Variants in SORCS3 observed in about 807,000 individuals in gnomAD.
SORCS3 encodes VPS10 domain-containing receptor SorCS3.
Under a neutral mutation model 146.3 loss-of-function variants are expected in SORCS3, and 57 were observed. The ratio of observed to expected loss-of-function variants is 0.39; its 90% CI spans 0.31 to 0.49. The LOEUF (loss-of-function observed/expected upper bound fraction) is 0.49. Among genes scored for constraint, SORCS3 ranks in the 20% least tolerant of loss-of-function variants. The pLI, the probability that SORCS3 is intolerant of heterozygous loss-of-function variation, is 0.92. For synonymous variants in SORCS3, 653 were observed against 618.5 expected, an observed-to-expected ratio of 1.06 and a Z score of -0.83; for missense variants, 1,341 against 1,575.5, an observed-to-expected ratio of 0.85 and a Z score of 2.52.
chr10:104,835,412 GA>G (rs1399848915), intron 1 of SORCS3, among the ~76,000 whole-genome samples: 1 of 152,214 alleles, frequency 6.6e-6, no homozygotes, highest in Admixed American at 6.5e-5. Context: ...TCATAAGAGT[GA>G]GGGGACCTAG....
At chr10:105,125,463 A>C (rs2055966595) in intron 7 of SORCS3, among the ~76,000 whole-genome samples, 2 of 152,110 alleles carry the variant, frequency 1.3e-5, no homozygotes, top group South Asian at 4.1e-4. Context: ...TAAACAATGG[A>C]GTGGAGATTT....
chr10:105,096,956 C>T (rs926246741), intron 6 of SORCS3, among the ~76,000 whole-genome samples: 1 of 152,114 alleles, frequency 6.6e-6, no homozygotes, highest in African/African-American at 2.4e-5. Flanking sequence ...CTTCACTTTT[C>T]TATTTACTTT....
intron 2 of SORCS3, 56 bp downstream of exon 2, chr10:104,842,915 G>A (rs745381505): frequency 9.6e-6 from 13 of 1,355,376 alleles, no homozygotes; most frequent in South Asian, 2.3e-5. Flanking sequence ...CATGAGAAAC[G>A]CAAGCTAAGC....
Position 105,069,331 on chromosome 10 carries a change from T to C in SORCS3, c.1029-20444T>C, listed in dbSNP as rs374714386. Among the ~76,000 whole-genome samples, 54 of 152,360 alleles carry C rather than the reference T, an allele frequency of 3.5e-4. No individual in the cohort carries two copies. The East Asian group carries it at 9.1e-3, about 26-fold the overall frequency. On this transcript the variant is annotated intron_variant, in intron 5 of 26. Coordinates refer to ENST00000369701, the MANE Select transcript of SORCS3 (RefSeq NM_014978.3). The stretch of plus-strand genomic sequence containing the variant: ...TCTGCTCAAAACTTTTGAAACTCCC[T>C]GAACCCTCTCTAACACCTTTTCACT...
At chr10:104,926,935 A>G (rs1053073510) in intron 3 of SORCS3, among the ~76,000 whole-genome samples, 1 of 152,228 alleles carries the variant, frequency 6.6e-6, no homozygotes, top group Non-Finnish European at 1.5e-5. Flanking sequence ...TAGGGTTTGC[A>G]TCGAGTATAT....
intron 20 of SORCS3, among the ~76,000 whole-genome samples, chr10:105,225,230 C>T (rs889947939): frequency 1.3e-5 from 2 of 151,938 alleles, no homozygotes; most frequent in Non-Finnish European, 2.9e-5. Context: ...ACATTTAGAT[C>T]TATGATCCAT....
chr10:105,033,878 G>A (rs1445036992), intron 4 of SORCS3, among the ~76,000 whole-genome samples: 3 of 152,142 alleles, frequency 2.0e-5, no homozygotes, highest in African/African-American at 7.2e-5. Flanking sequence ...GAGAAGGATA[G>A]AATTTTTACA....
At chr10:105,230,859 C>G (rs2056761806) in intron 20 of SORCS3, among the ~76,000 whole-genome samples, 2 of 152,162 alleles carry the variant, frequency 1.3e-5, no homozygotes, top group Admixed American at 1.3e-4. Context: ...CTGCTTTGGA[C>G]TTGGGATGTG....
chr10:105,076,255 C>G (rs1025377672), intron 5 of SORCS3, among the ~76,000 whole-genome samples: 3 of 152,126 alleles, frequency 2.0e-5, no homozygotes, highest in Admixed American at 1.3e-4. Context: ...TACCAAAGCT[C>G]CTCTCTGAAC....
intron 2 of SORCS3, among the ~76,000 whole-genome samples, chr10:104,882,586 A>G (rs966954972): frequency 1.3e-5 from 2 of 152,216 alleles, no homozygotes; most frequent in Admixed American, 6.5e-5. Context: ...TGAGGCCCAC[A>G]GAGAGAGAAA....
chr10:105,201,125 G>A lies in SORCS3; in HGVS notation c.2133G>A (p.Glu711=), dbSNP rs758387855. 6.2e-7 allele frequency: 1 copy of A among 1,612,676 alleles called. No homozygotes were observed. Residue 711 remains glutamate (E), a synonymous_variant, in exon 16 of 27, where the codon GAG becomes GAA. Transcript: ENST00000369701. ...YQTWHLLNQG[E]PCVMGERKIF... ...CTATGGAATTTCTCTCTAAGGGAGA[G>A]CCTTGTGTCATGGGAGAAAGGAAAA...
intron 6 of SORCS3, among the ~76,000 whole-genome samples, chr10:105,094,001 T>C (rs1444664643): frequency 6.6e-6 from 1 of 152,214 alleles, no homozygotes; most frequent in African/African-American, 2.4e-5. Context: ...TGAGTGAATG[T>C]ATTAATAAGC....
At chr10:104,971,373 A>G (rs2054859572) in intron 3 of SORCS3, among the ~76,000 whole-genome samples, 1 of 152,236 alleles carries the variant, frequency 6.6e-6, no homozygotes, top group Non-Finnish European at 1.5e-5. Flanking sequence ...TTTTGTGTTA[A>G]GAGTTAATTG....
At chr10:104,847,263 C>T (rs1025568371) in intron 2 of SORCS3, among the ~76,000 whole-genome samples, 3 of 152,132 alleles carry the variant, frequency 2.0e-5, no homozygotes, top group African/African-American at 7.2e-5. Flanking sequence ...ATCCACTGCT[C>T]GAGGTTATTA....
At chr10:104,779,792 C>A (rs986350899) in intron 1 of SORCS3, among the ~76,000 whole-genome samples, 8 of 152,124 alleles carry the variant, frequency 5.3e-5, no homozygotes, top group African/African-American at 1.9e-4. Flanking sequence ...CAGGTGAGGG[C>A]CTCTTCATTC....
intron 2 of SORCS3, among the ~76,000 whole-genome samples, chr10:104,876,531 G>A (rs887344263): frequency 1.3e-5 from 2 of 152,142 alleles, no homozygotes; most frequent in Non-Finnish European, 1.5e-5. Context: ...AATATCTCAG[G>A]ATGCTGTGAA....
At chr10:104,834,562 A>C (rs1321531794) in intron 1 of SORCS3, among the ~76,000 whole-genome samples, 1 of 150,336 alleles carries the variant, frequency 6.7e-6, no homozygotes, top group African/African-American at 2.5e-5. Flanking sequence ...TTCATTCCCC[A>C]CCTGCCACCC....
At chr10:105,114,674 A>G (rs534819693) in intron 7 of SORCS3, among the ~76,000 whole-genome samples, 2 of 152,310 alleles carry the variant, frequency 1.3e-5, no homozygotes, top group South Asian at 4.1e-4. Context: ...ATGCAAACCC[A>G]GAACAGCTAG....
intron 5 of SORCS3, 107 bp from the exon 6 acceptor site, chr10:105,089,668 C>T (rs560749897): frequency 5.9e-6 from 5 of 854,078 alleles, no homozygotes; most frequent in South Asian, 4.4e-5. Flanking sequence ...GGATGGTCCT[C>T]TTTGAGAAAA....
Sources: allele counts gnomAD v4.1 joint callset (sites outside exome capture counted in the v4.1 genomes callset), GRCh38; gene constraint gnomAD v4.1.1; transcripts MANE v1.5; gene names NCBI Gene and HGNC (gene_info 2026-07-23, HGNC 2026-07-21).